Variants in ARID1B observed in about 807,000 individuals in gnomAD.
The protein encoded by ARID1B is AT-rich interactive domain-containing protein 1B.
Under a neutral mutation model 212.3 loss-of-function variants are expected in ARID1B, and 30 were observed. The observed-to-expected ratio is 0.14, with a 90% CI of 0.11 to 0.19. The LOEUF is 0.19. Ranked by LOEUF, ARID1B falls within the 10% of genes least tolerant of loss-of-function variation. The pLI is 1.00. For synonymous variants in ARID1B, 1,402 were observed against 1,301.7 expected (o/e 1.08, Z -1.66); for missense variants, 2,891 against 3,204.0 (o/e 0.90, Z 2.36).
At chr6:156,884,124 A>G (rs906873050) in intron 2 of ARID1B, among the ~76,000 whole-genome samples, 8 of 152,324 alleles carry the variant, frequency 5.3e-5, no homozygotes, top group African/African-American at 1.4e-4. Flanking sequence ...AATGGAAGGA[A>G]TTTGATGTAA....
At chr6:156,892,256 A>G (rs1467752854) in intron 2 of ARID1B, among the ~76,000 whole-genome samples, 6 of 152,048 alleles carry the variant, frequency 3.9e-5, no homozygotes, top group Non-Finnish European at 8.8e-5. Flanking sequence ...GTTTCTATAC[A>G]TATTATGACT....
chr6:156,907,632 G>A (rs894658329), intron 3 of ARID1B, among the ~76,000 whole-genome samples: 1 of 151,766 alleles, frequency 6.6e-6, no homozygotes, highest in Non-Finnish European at 1.5e-5. Context: ...GAGGCCAGGC[G>A]TGGTGGCTCA....
intron 2 of ARID1B, among the ~76,000 whole-genome samples, chr6:156,884,790 T>C (rs1204065595): frequency 6.6e-6 from 1 of 152,220 alleles, no homozygotes; most frequent in Non-Finnish European, 1.5e-5. Flanking sequence ...AAGAAATAGC[T>C]GTAGGTTTTA....
chr6:157,016,160 C>T (rs1012236039), intron 4 of ARID1B, among the ~76,000 whole-genome samples: 6 of 152,124 alleles, frequency 3.9e-5, no homozygotes, highest in African/African-American at 1.2e-4. Context: ...CAGTATTAAT[C>T]GTTATTTCCC....
chr6:156,977,057 G>A, intron 4 of ARID1B: 1 of 390,752 alleles, frequency 2.6e-6, no homozygotes, highest in South Asian at 2.2e-5. Context: ...GGAAAATCCT[G>A]GAATTCTTTT....
intron 1 of ARID1B, among the ~76,000 whole-genome samples, chr6:156,787,703 C>G (rs1490627974): frequency 6.6e-6 from 1 of 152,122 alleles, no homozygotes; most frequent in Admixed American, 6.5e-5. Context: ...AAGTATCTTT[C>G]TGAAGAAGCA....
chr6:157,114,903 A>G (rs893400467), intron 6 of ARID1B, among the ~76,000 whole-genome samples: 1 of 152,110 alleles, frequency 6.6e-6, no homozygotes, highest in Non-Finnish European at 1.5e-5. Context: ...CTTGGAGCCT[A>G]AGTCCCCCCA....
intron 6 of ARID1B, among the ~76,000 whole-genome samples, chr6:157,125,818 A>G (rs1788098999): frequency 1.3e-5 from 2 of 152,230 alleles, no homozygotes; most frequent in South Asian, 4.1e-4. Flanking sequence ...AATGACCAAG[A>G]AATGGAAGAG....
At chr6:156,932,430 A>G (rs1376444832) in intron 3 of ARID1B, among the ~76,000 whole-genome samples, 1 of 109,064 alleles carries the variant, frequency 9.2e-6, no homozygotes, top group Non-Finnish European at 1.7e-5. Context: ...TATACAGCAG[A>G]TAAATGTAAT....
At chr6:157,025,927 A>ATT (rs950310929) in intron 4 of ARID1B, among the ~76,000 whole-genome samples, 39 of 145,954 alleles carry the variant, frequency 2.7e-4, no homozygotes, top group African/African-American at 6.5e-4. Flanking sequence ...GCTGGAATAG[A>ATT]TTTTTTTTTT....
chr6:156,910,124 G>T, intron 3 of ARID1B, among the ~76,000 whole-genome samples: 1 of 152,306 alleles, frequency 6.6e-6, no homozygotes, highest in Non-Finnish European at 1.5e-5. Flanking sequence ...CAGATTGAGC[G>T]TAATGTTTGG....
intron 2 of ARID1B, among the ~76,000 whole-genome samples, chr6:156,853,264 G>A (rs1174488026): frequency 1.3e-5 from 2 of 152,226 alleles, no homozygotes; most frequent in Non-Finnish European, 2.9e-5. Context: ...ATGTAAAAAT[G>A]AATTTGAAAT....
In ARID1B at chr6:156,809,649, G is replaced by A. The variant is rs528050732; in HGVS notation, c.1792-19578G>A. Among the ~76,000 whole-genome samples the A allele has an allele frequency of 6.0e-5, 9 of 148,868 alleles. No homozygotes were observed. The South Asian group carries it at 1.1e-3, about 18-fold the overall frequency. On this transcript the variant is annotated intron_variant, in intron 1 of 19. Coordinates refer to ENST00000636930, the MANE Select transcript of ARID1B (RefSeq NM_001374828.1). ...TTAGATGTAGGTTTGAGATAAGTGG[G>A]CAGACCTGAGGCTCCTGTACCACCA... is the stretch of plus-strand genomic sequence containing the variant.
At chr6:156,838,771 C>CTT (rs1021068986) in intron 2 of ARID1B, among the ~76,000 whole-genome samples, 1 of 151,518 alleles carries the variant, frequency 6.6e-6, no homozygotes, top group Non-Finnish European at 1.5e-5. Flanking sequence ...TTAGATGTTT[C>CTT]TTTATAATCA....
intron 2 of ARID1B, among the ~76,000 whole-genome samples, chr6:156,894,187 A>G (rs997783303): frequency 6.7e-6 from 1 of 148,992 alleles, no homozygotes; most frequent in Non-Finnish European, 1.5e-5. Flanking sequence ...ACACAAAGGA[A>G]CAAATATTGT....
intron 3 of ARID1B, among the ~76,000 whole-genome samples, chr6:156,907,240 T>C (rs903432909): frequency 6.6e-6 from 1 of 152,194 alleles, no homozygotes; most frequent in Non-Finnish European, 1.5e-5. Flanking sequence ...TTCCCTTTCT[T>C]TTTGTAGCTG....
chr6:156,966,394 T>C lies in ARID1B; in HGVS notation c.2247+30818T>C, dbSNP rs12174845. On this transcript the variant is annotated intron_variant, in intron 4 of 19. Coordinates refer to ENST00000636930, the MANE Select transcript of ARID1B (RefSeq NM_001374828.1). ...AACTTTTCTTTTCTTTTCTTTTTTTTTTTTTTTTTTTTTTTTGAGACAGAG... is the reference window on the plus strand; with the variant it reads ...AACTTTTCTTTTCTTTTCTTTTTTTCTTTTTTTTTTTTTTTTGAGACAGAG... 8.6e-3 allele frequency among the ~76,000 whole-genome samples: 471 copies of C among 54,816 alleles called. 5 individuals are homozygous for C. The highest frequency in any genetic ancestry group is 0.019 in the East Asian group (23 of 1,204). 36.0% of individuals were successfully genotyped at this position (54,816 alleles called of 152,430 possible). A position where few individuals can be genotyped will look rare whatever the true frequency, so the allele number is the denominator to read the frequency against.
Position 157,056,586 on chromosome 6 carries a change from G to T in ARID1B, c.2248-28076G>T, listed in dbSNP as rs150993367. ...GCTGTTGAAGGTTTTTATGATCTCA[G>T]TTTCTCCTTCCAGTAGTTATGTTTG... On this transcript the variant is annotated intron_variant, in intron 4 of 19. Transcript: ENST00000636930. Among the ~76,000 whole-genome samples the T allele has an allele frequency of 9.7e-3, 1,476 of 152,242 alleles. 5 individuals carry two copies. The highest frequency in any genetic ancestry group is 0.034 in the Middle Eastern group (10 of 294).
intron 1 of ARID1B, among the ~76,000 whole-genome samples, chr6:156,807,524 G>A (rs1366999761): frequency 3.3e-5 from 5 of 151,362 alleles, no homozygotes; most frequent in African/African-American, 7.3e-5. Flanking sequence ...AGATTCAAAC[G>A]CTGGCAAAAA....
Sources: allele counts gnomAD v4.1 joint callset (sites outside exome capture counted in the v4.1 genomes callset), GRCh38; gene constraint gnomAD v4.1.1; transcripts MANE v1.5; gene names NCBI Gene and HGNC (gene_info 2026-07-23, HGNC 2026-07-21).